SNTG2: variants seen among roughly 807,000 people sequenced by gnomAD.
SNTG2 encodes gamma-2-syntrophin.
SNTG2 carries 74 observed loss-of-function variants against 70.9 expected under a neutral mutation model. The ratio of observed to expected loss-of-function variants is 1.04; its 90% CI spans 0.86 to 1.27. SNTG2 has a LOEUF of 1.27. SNTG2 is among the 50% of genes most tolerant of loss of function. The pLI, the probability that SNTG2 is intolerant of heterozygous loss-of-function variation, is 0.00. For missense variants in SNTG2, 717 were observed against 690.7 expected, an observed-to-expected ratio of 1.04 and a Z score of -0.43; for synonymous variants, 278 against 273.8, an observed-to-expected ratio of 1.02 and a Z score of -0.15.
intron 6 of SNTG2, among the ~76,000 whole-genome samples, chr2:1,139,385 C>T (rs1004260599): frequency 6.6e-6 from 1 of 152,142 alleles, no homozygotes; most frequent in Admixed American, 6.5e-5. Context: ...ACGCCCACCA[C>T]CATGCCTGGT....
intron 4 of SNTG2, among the ~76,000 whole-genome samples, chr2:1,127,590 G>A (rs935078862): frequency 6.6e-6 from 1 of 151,994 alleles, no homozygotes; most frequent in Non-Finnish European, 1.5e-5. Context: ...CTGTGAACAC[G>A]TTATGTCATT....
chr2:1,050,725 A>G (rs1326478860), intron 1 of SNTG2, among the ~76,000 whole-genome samples: 1 of 152,236 alleles, frequency 6.6e-6, no homozygotes, highest in Non-Finnish European at 1.5e-5. Flanking sequence ...ACAGCTTCCA[A>G]TAACAATTAT....
chr2:1,361,464 C>T (rs1661141743), intron 16 of SNTG2, among the ~76,000 whole-genome samples: 1 of 152,204 alleles, frequency 6.6e-6, no homozygotes, highest in African/African-American at 2.4e-5. Flanking sequence ...AAGTATCCCG[C>T]CTTCTTCAAT....
chr2:1,196,136 T>C (rs1243572575), intron 8 of SNTG2, among the ~76,000 whole-genome samples: 1 of 152,120 alleles, frequency 6.6e-6, no homozygotes, highest in Admixed American at 6.5e-5. Flanking sequence ...CAAATACTTT[T>C]GATAATACCA....
chr2:1,234,443 T>A (rs1676472560), intron 9 of SNTG2, among the ~76,000 whole-genome samples: 1 of 152,248 alleles, frequency 6.6e-6, no homozygotes, highest in Admixed American at 6.5e-5. Context: ...ATAATGTTTA[T>A]ATGGTACTTA....
rs78043387 is a variant in SNTG2, at chr2:1,126,673, C to T, written c.326-10949C>T. Among the ~76,000 whole-genome samples the T allele has an allele frequency of 6.1e-3, 926 of 152,154 alleles. 8 individuals are homozygous for T. The highest frequency in any genetic ancestry group is 0.011 in the Non-Finnish European group (777 of 67,968). The stretch of plus-strand genomic sequence containing the variant: ...TCTATTTAGTAATAACCATTCTAAC[C>T]GGGATAAGATAATATCTTATTGTGG... On this transcript the variant is annotated intron_variant, in intron 4 of 16. Coordinates refer to ENST00000308624, the MANE Select transcript of SNTG2 (RefSeq NM_018968.4).
At chr2:951,232 G>A (rs1213761809) in intron 1 of SNTG2, among the ~76,000 whole-genome samples, 164 bp downstream of exon 1, 4 of 151,888 alleles carry the variant, frequency 2.6e-5, no homozygotes, top group African/African-American at 7.3e-5. Flanking sequence ...GCCCCGGGAC[G>A]CAGTGGGCAC....
chr2:1,083,256 A>C, intron 1 of SNTG2, among the ~76,000 whole-genome samples: 2 of 59,306 alleles, frequency 3.4e-5, no homozygotes, highest in East Asian at 8.0e-4. Flanking sequence ...AAGTTAAAAA[A>C]AAAACAAACG....
At chr2:1,190,495 C>CTATATATATA (rs72001718) in intron 8 of SNTG2, among the ~76,000 whole-genome samples, 29 of 90,770 alleles carry the variant, frequency 3.2e-4, no homozygotes, top group Admixed American at 5.2e-4. Context: ...GGAGGGCTGA[C>CTATATATATA]TATATATATA....
At chr2:1,067,947 G>C (rs1399571199) in intron 1 of SNTG2, among the ~76,000 whole-genome samples, 1 of 152,100 alleles carries the variant, frequency 6.6e-6, no homozygotes, top group Non-Finnish European at 1.5e-5. Context: ...TCGGGAGTGG[G>C]GCTAGAGCTT....
chr2:1,257,223 C>T (rs1026590632), intron 12 of SNTG2, among the ~76,000 whole-genome samples: 11 of 152,180 alleles, frequency 7.2e-5, no homozygotes, highest in Middle Eastern at 3.4e-3. Flanking sequence ...TGGTTCCATC[C>T]GAAGCCCGAC....
chr2:1,225,716 C>T (rs919197167), intron 9 of SNTG2, among the ~76,000 whole-genome samples: 6 of 152,186 alleles, frequency 3.9e-5, no homozygotes, highest in Admixed American at 6.5e-5. Flanking sequence ...ATTTAAGCAC[C>T]GTCTGGACTA....
At chr2:1,269,969 G>C (rs961200354) in intron 14 of SNTG2, among the ~76,000 whole-genome samples, 4 of 152,158 alleles carry the variant, frequency 2.6e-5, no homozygotes, top group Admixed American at 1.3e-4. Flanking sequence ...TTCTGGGGCC[G>C]TGCCATGCTG....
chr2:1,297,872 C>T (rs532573373), intron 14 of SNTG2, among the ~76,000 whole-genome samples: 9 of 152,284 alleles, frequency 5.9e-5, no homozygotes, highest in Non-Finnish European at 8.8e-5. Context: ...TTTGAAAATA[C>T]CGAGTATCAG....
At position 1,209,293 on chromosome 2, in the gene SNTG2, A is replaced by G. The variant is rs1019384929; in HGVS notation, c.719+63A>G. ...ACCCCGTGCACTTTTGCCAGTTCCT[A>G]CAGGCCGCTGGTTACTCCAGAGCGC... On this transcript the variant is annotated intron_variant, in intron 9 of 16. Transcript: ENST00000308624. The G allele has an allele frequency of 8.7e-6, 14 of 1,604,282 alleles. No homozygotes were observed. In the Admixed American group the frequency reaches 2.2e-4, roughly 25 times the overall value.
intron 1 of SNTG2, among the ~76,000 whole-genome samples, chr2:980,695 TACACACACAC>T (rs10648703): frequency 4.7e-5 from 7 of 150,114 alleles, no homozygotes; most frequent in East Asian, 2.0e-4. Flanking sequence ...TAGACACATG[TACACACACAC>T]ACACACACAC....
intron 14 of SNTG2, among the ~76,000 whole-genome samples, chr2:1,274,688 A>G (rs71440643): frequency 0.026 from 4,008 of 151,800 alleles, 68 homozygotes; most frequent in South Asian, 0.056. Flanking sequence ...TCTGCCCTCG[A>G]TCAGGACGTT....
intron 4 of SNTG2, among the ~76,000 whole-genome samples, chr2:1,106,161 T>C (rs1666129616): frequency 8.1e-6 from 1 of 123,292 alleles, no homozygotes; most frequent in Non-Finnish European, 1.7e-5. Flanking sequence ...TATGGAGAGC[T>C]CCTTGGTAAT....
intron 1 of SNTG2, among the ~76,000 whole-genome samples, chr2:1,033,106 C>G (rs576813770): frequency 4.6e-5 from 7 of 152,160 alleles, no homozygotes; most frequent in African/African-American, 1.4e-4. Flanking sequence ...GAACCACTTA[C>G]GAGAAATATG....
Sources: gnomAD v4.1 joint callset for allele counts (sites outside exome capture counted in the v4.1 genomes callset) on GRCh38, gnomAD v4.1.1 for gene constraint, MANE v1.5 for transcripts, NCBI Gene and HGNC (gene_info 2026-07-23, HGNC 2026-07-21) for gene names.